Variants in GRK4 observed in about 807,000 individuals in gnomAD.
GRK4 encodes the protein G protein-coupled receptor kinase 2-like.
Under a neutral mutation model 77.9 loss-of-function variants are expected in GRK4, and 73 were observed. The ratio of observed to expected loss-of-function variants is 0.94; its 90% confidence interval spans 0.78 to 1.14. The LOEUF (loss-of-function observed/expected upper bound fraction) is 1.14. Ranked by LOEUF, GRK4 falls within the 50% of genes most tolerant of loss-of-function variation. The pLI, the probability that GRK4 is intolerant of heterozygous loss-of-function variation, is 0.00. For missense variants in GRK4, 729 were observed against 700.2 expected (o/e 1.04, Z -0.46); for synonymous variants, 257 against 254.4 (o/e 1.01, Z -0.10).
chr4:3,029,295 A>T lies in GRK4; in HGVS notation c.1155A>T (p.Pro385=). The T allele has an allele frequency of 6.2e-7, 1 of 1,614,014 alleles. No individual in the cohort carries two copies. Among genetic ancestry groups the T allele is most frequent in the Middle Eastern group, 1.7e-4 (1 of 6,060 alleles). The change falls in exon 12 of 16, where the codon CCA becomes CCT. Residue 385 remains proline, a synonymous_variant. Transcript: ENST00000398052. The part of the protein sequence containing the change: ...LIYEMIQGHS[P]FKKYKEKVKW... ...ATGAAATGATTCAGGGACATTCTCCATTCAAAAAATACAAAGAGAAAGTCA... is the reference window on the plus strand; with the variant it reads ...ATGAAATGATTCAGGGACATTCTCCTTTCAAAAAATACAAAGAGAAAGTCA...
At chr4:2,967,148 A>ACC (rs1717962434) in intron 1 of GRK4, among the ~76,000 whole-genome samples, 1 of 152,204 alleles carries the variant, frequency 6.6e-6, no homozygotes, top group Admixed American at 6.5e-5. Context: ...CTCACCAGAC[A>ACC]CCAAATCTGT....
At position 2,994,894 on chromosome 4, in the gene GRK4, G is replaced by A. The variant is rs116046102; in HGVS notation, c.339+2602G>A. ...TTTCATCACCCAGGTATTAAGCTTAGCACCCTTTAGTTATTTTTCTTGATC... is the reference window on the plus strand; with the variant it reads ...TTTCATCACCCAGGTATTAAGCTTAACACCCTTTAGTTATTTTTCTTGATC... On this transcript the variant is annotated intron_variant, in intron 4 of 15. Transcript: ENST00000398052. 9.0e-3 allele frequency among the ~76,000 whole-genome samples: 1,376 copies of A among 152,196 alleles called. 23 individuals carry two copies. The highest frequency in any genetic ancestry group is 0.031 in the African/African-American group (1,303 of 41,532).
chr4:2,979,486 G>A (rs1236581624), intron 1 of GRK4, among the ~76,000 whole-genome samples: 2 of 152,056 alleles, frequency 1.3e-5, no homozygotes, highest in Admixed American at 6.6e-5. Context: ...GGCCGAGGCG[G>A]GCGGATCACC....
chr4:3,010,057 A>G (rs528841216), intron 7 of GRK4, among the ~76,000 whole-genome samples: 11 of 152,340 alleles, frequency 7.2e-5, no homozygotes, highest in Middle Eastern at 3.4e-3. Context: ...GACTGGTCCC[A>G]AATTCACATA....
At chr4:3,023,003 A>G (rs1736507852) in intron 10 of GRK4, among the ~76,000 whole-genome samples, 1 of 152,182 alleles carries the variant, frequency 6.6e-6, no homozygotes, top group Non-Finnish European at 1.5e-5. Flanking sequence ...AGCACATTAA[A>G]GTAAACACAA....
At chr4:3,001,214 T>C (rs1480905886) in intron 4 of GRK4, among the ~76,000 whole-genome samples, 2,276 of 139,726 alleles carry the variant, frequency 0.016, 17 homozygotes, top group Non-Finnish European at 0.018. Flanking sequence ...TGTATGTGTA[T>C]ATATATGTAT....
chr4:2,983,247 A>G (rs967069522), intron 1 of GRK4, among the ~76,000 whole-genome samples: 6 of 152,234 alleles, frequency 3.9e-5, no homozygotes, highest in African/African-American at 1.4e-4. Context: ...ACCGTATTTA[A>G]GACAGAGCTC....
At chr4:2,967,959 T>C (rs953913768) in intron 1 of GRK4, among the ~76,000 whole-genome samples, 10 of 151,888 alleles carry the variant, frequency 6.6e-5, no homozygotes, top group South Asian at 2.1e-4. Context: ...CCTGGCTAAT[T>C]TTGTATTTTT....
chr4:2,997,299 C>A (rs1230299292), intron 4 of GRK4, among the ~76,000 whole-genome samples: 1 of 152,028 alleles, frequency 6.6e-6, no homozygotes, highest in East Asian at 1.9e-4. Flanking sequence ...TATAATACAC[C>A]ATATTAATAG....
intron 7 of GRK4, among the ~76,000 whole-genome samples, chr4:3,012,218 A>G (rs773938461): frequency 6.6e-6 from 1 of 152,252 alleles, no homozygotes; most frequent in Non-Finnish European, 1.5e-5. Context: ...ATGGTAAGAA[A>G]ATGATTAAAT....
At chr4:3,009,861 C>T (rs113365279) in intron 7 of GRK4, 150 bp downstream of exon 7, 1 of 531,240 alleles carries the variant, frequency 1.9e-6, no homozygotes, top group African/African-American at 1.9e-5. Flanking sequence ...CTGTGAGAAT[C>T]CACATGGAAT....
At chr4:2,967,762 T>C (rs1226792149) in intron 1 of GRK4, among the ~76,000 whole-genome samples, 1 of 151,836 alleles carries the variant, frequency 6.6e-6, no homozygotes, top group East Asian at 1.9e-4. Flanking sequence ...CATAGGTTCA[T>C]AGATCATATT....
At chr4:2,999,808 A>G (rs1446998337) in intron 4 of GRK4, among the ~76,000 whole-genome samples, 4 of 152,222 alleles carry the variant, frequency 2.6e-5, no homozygotes, top group African/African-American at 9.6e-5. Context: ...TTAAAACTTT[A>G]TGCTTCAAAG....
chr4:3,040,133 G>C (rs929413837), intron 15 of GRK4, among the ~76,000 whole-genome samples: 1 of 152,102 alleles, frequency 6.6e-6, no homozygotes. Flanking sequence ...TCAGGTTTTT[G>C]CCTGCCTTAA....
At position 2,978,087 on chromosome 4, in the gene GRK4, G is replaced by A. The variant is rs770398205; in HGVS notation, c.53-6426G>A. 2.6e-5 allele frequency among the ~76,000 whole-genome samples: 4 copies of A among 152,102 alleles called. No homozygotes were observed. The East Asian group carries it at 7.7e-4, about 29-fold the overall frequency. On this transcript the variant is annotated intron_variant, in intron 1 of 15. Coordinates refer to ENST00000398052, the MANE Select transcript of GRK4 (RefSeq NM_182982.3). ...TAAAATATTTTCCTTCTTTTTTACA[G>A]CTAAAATTGAGAATAAACTAGGTTT... is the stretch of plus-strand genomic sequence containing the variant.
rs1311844662 is a variant in GRK4, at chr4:3,019,729, A to G, written c.830A>G (p.Tyr277Cys). The change falls in exon 9 of 16, where the codon TAC becomes TGC. Residue 277 changes from tyrosine to cysteine, a missense_variant. Transcript: ENST00000398052. ...MNGGDLKFHIYNLGNPGFDEQ... is the reference protein window; with the variant it reads ...MNGGDLKFHICNLGNPGFDEQ... ...GGAGGGGATTTGAAGTTTCACATTTACAACCTGGGCAATCCCGGCTTTGAT... is the reference window on the plus strand; with the variant it reads ...GGAGGGGATTTGAAGTTTCACATTTGCAACCTGGGCAATCCCGGCTTTGAT... 2 of 1,614,098 alleles carry G rather than the reference A, an allele frequency of 1.2e-6. No homozygotes were observed. The highest frequency in any genetic ancestry group is 1.3e-5 in the African/African-American group (1 of 74,940).
At chr4:2,982,284 C>T (rs1028549574) in intron 1 of GRK4, among the ~76,000 whole-genome samples, 2 of 152,244 alleles carry the variant, frequency 1.3e-5, no homozygotes, top group African/African-American at 4.8e-5. Context: ...CAGGCCCTGC[C>T]TGCCTCGCTG....
intron 5 of GRK4, among the ~76,000 whole-genome samples, chr4:3,004,819 G>A (rs1730831687): frequency 6.6e-6 from 1 of 152,118 alleles, no homozygotes; most frequent in Admixed American, 6.6e-5. Context: ...GGTGGCAGAG[G>A]CGGAAGAAAA....
At chr4:2,991,879 A>T (rs1412588689) in intron 3 of GRK4, among the ~76,000 whole-genome samples, 1 of 151,996 alleles carries the variant, frequency 6.6e-6, no homozygotes, top group Non-Finnish European at 1.5e-5. Context: ...TTGCTCTAAA[A>T]CTTCATTAAC....
Sources: gnomAD v4.1 joint callset for allele counts (sites outside exome capture counted in the v4.1 genomes callset) on GRCh38, gnomAD v4.1.1 for gene constraint, MANE v1.5 for transcripts, NCBI Gene and HGNC (gene_info 2026-07-23, HGNC 2026-07-21) for gene names.